Variants in NAA16 observed in about 807,000 individuals in gnomAD.
NAA16 encodes NARG1-like protein.
In NAA16, 97 loss-of-function variants were observed where a neutral mutation model predicts 110.3. The ratio of observed to expected loss-of-function variants is 0.88; its 90% CI spans 0.75 to 1.04. The LOEUF is 1.04. Ranked by LOEUF, NAA16 falls within the 50% of genes least tolerant of loss-of-function variation. The pLI is 0.00. For missense variants in NAA16, 1,017 were observed against 1,005.1 expected, an observed-to-expected ratio of 1.01 and a Z score of -0.16; for synonymous variants, 372 against 330.6, an observed-to-expected ratio of 1.13 and a Z score of -1.36.
At chr13:41,315,466 A>T (rs1019586665) in intron 1 of NAA16, among the ~76,000 whole-genome samples, 22 of 152,190 alleles carry the variant, frequency 1.4e-4, no homozygotes, top group Non-Finnish European at 2.6e-4. Context: ...CATTGGACTA[A>T]TGATGGTCTT....
At chr13:41,347,859 G>A (rs2042726812) in intron 9 of NAA16, among the ~76,000 whole-genome samples, 1 of 151,714 alleles carries the variant, frequency 6.6e-6, no homozygotes, top group Non-Finnish European at 1.5e-5. Flanking sequence ...AATTGCCCTG[G>A]GTACCTTCAG....
chr13:41,330,799 G>A (rs1356378326), intron 7 of NAA16, among the ~76,000 whole-genome samples: 4 of 152,016 alleles, frequency 2.6e-5, no homozygotes, highest in African/African-American at 9.7e-5. Context: ...TGGAAGTTTA[G>A]TTTATCTTCT....
At chr13:41,327,077 A>G (rs2042111951) in intron 6 of NAA16, among the ~76,000 whole-genome samples, 1 of 152,124 alleles carries the variant, frequency 6.6e-6, no homozygotes, top group African/African-American at 2.4e-5. Context: ...TGCCTGAGAA[A>G]GATTGGCTTT....
chr13:41,364,067 A>G (rs75773621), intron 13 of NAA16, among the ~76,000 whole-genome samples: 2,013 of 152,136 alleles, frequency 0.013, 40 homozygotes, highest in African/African-American at 0.045. Context: ...ATATCATTGG[A>G]AGGATTTAGG....
intron 13 of NAA16, 52 bp downstream of exon 13, chr13:41,362,211 A>C (rs779391240): frequency 6.5e-7 from 1 of 1,545,566 alleles, no homozygotes; most frequent in Admixed American, 2.2e-5. Flanking sequence ...GATAAAAAGC[A>C]GGTAGATTTC....
chr13:41,363,013 T>A, intron 13 of NAA16: 1 of 555,146 alleles, frequency 1.8e-6, no homozygotes, highest in Non-Finnish European at 2.4e-6. Flanking sequence ...CAAGCATTTT[T>A]AGAAATAACC....
At chr13:41,365,167 T>C (rs1310642845) in intron 13 of NAA16, among the ~76,000 whole-genome samples, 2 of 152,182 alleles carry the variant, frequency 1.3e-5, no homozygotes, top group African/African-American at 4.8e-5. Flanking sequence ...TCTGTTGGTG[T>C]TGTGTAGCAT....
intron 5 of NAA16, among the ~76,000 whole-genome samples, chr13:41,325,107 G>A (rs2042057035): frequency 6.6e-6 from 1 of 151,850 alleles, no homozygotes; most frequent in African/African-American, 2.4e-5. Flanking sequence ...ACAGGCATGT[G>A]CCACCACGCC....
At chr13:41,373,435 T>G in intron 17 of NAA16, 1 of 331,076 alleles carries the variant, frequency 3.0e-6, no homozygotes, top group Non-Finnish European at 4.3e-6. Context: ...TTTTTGTATT[T>G]TTAGTAGAGA....
chr13:41,327,469 AC>A (rs1043543937), intron 6 of NAA16, among the ~76,000 whole-genome samples: 3 of 151,450 alleles, frequency 2.0e-5, no homozygotes, highest in Admixed American at 6.6e-5. Flanking sequence ...AAAAAAAAAA[AC>A]AAATAGGGAA....
In NAA16 at chr13:41,330,952, A is replaced by T. The variant is rs527514131; in HGVS notation, c.812-322A>T. Among the ~76,000 whole-genome samples the T allele has an allele frequency of 3.3e-5, 5 of 152,176 alleles. No homozygotes were observed. In the South Asian group the frequency reaches 1.0e-3, roughly 32 times the overall value. On this transcript the variant is annotated intron_variant, in intron 7 of 19. Coordinates refer to ENST00000379406, the MANE Select transcript of NAA16 (RefSeq NM_024561.5). ...ACGTTATAAAAAGATTTTCTTTTCC[A>T]TGAGTTGTATGCTAAAGGAATATAG...
intron 9 of NAA16, among the ~76,000 whole-genome samples, chr13:41,344,900 C>G (rs986282078): frequency 6.6e-6 from 1 of 152,220 alleles, no homozygotes; most frequent in African/African-American, 2.4e-5. Context: ...CTTCACGTCC[C>G]TCTCAGCTAT....
At chr13:41,324,924 ATAGTG>A (rs2042049754) in intron 5 of NAA16, among the ~76,000 whole-genome samples, 1 of 146,510 alleles carries the variant, frequency 6.8e-6, no homozygotes, top group East Asian at 2.0e-4. Flanking sequence ...TTAATAGACT[ATAGTG>A]TAGTGTTAAT....
intron 10 of NAA16, 150 bp downstream of exon 10, chr13:41,355,366 TCTTA>T (rs1393525532): frequency 3.5e-6 from 2 of 578,666 alleles, no homozygotes; most frequent in Non-Finnish European, 6.1e-6. Flanking sequence ...GCACTTTCAA[TCTTA>T]CTTAATTTAA....
At chr13:41,344,424 A>T (rs746440213) in intron 9 of NAA16, among the ~76,000 whole-genome samples, 2 of 152,166 alleles carry the variant, frequency 1.3e-5, no homozygotes, top group African/African-American at 4.8e-5. Context: ...AGTACTTCTT[A>T]ATGAGGGTGT....
At chr13:41,362,363 A>T in intron 13 of NAA16, 1 of 503,876 alleles carries the variant, frequency 2.0e-6, no homozygotes, top group Non-Finnish European at 3.4e-6. Flanking sequence ...TGACATGTCT[A>T]TATATTTTTG....
intron 4 of NAA16, 86 bp downstream of exon 4, chr13:41,320,910 C>T: frequency 8.4e-7 from 1 of 1,190,580 alleles, no homozygotes. Context: ...GAGCATAAGC[C>T]AAAATCAAGT....
At chr13:41,374,716 C>T (rs1319875673) in intron 18 of NAA16, 26 bp from the exon 19 acceptor site, 1 of 1,455,774 alleles carries the variant, frequency 6.9e-7, no homozygotes, top group African/African-American at 1.4e-5. Flanking sequence ...GGTGTTTATT[C>T]ATTTTGAAAT....
intron 9 of NAA16, among the ~76,000 whole-genome samples, chr13:41,351,847 T>G (rs1313455015): frequency 6.6e-6 from 1 of 152,206 alleles, no homozygotes; most frequent in Non-Finnish European, 1.5e-5. Flanking sequence ...GGATTGGCTT[T>G]CTTGACTTTA....
Sources: gnomAD v4.1 joint callset for allele counts (sites outside exome capture counted in the v4.1 genomes callset) on GRCh38, gnomAD v4.1.1 for gene constraint, MANE v1.5 for transcripts, NCBI Gene and HGNC (gene_info 2026-07-23, HGNC 2026-07-21) for gene names.